Variants in ZNF487 observed in about 807,000 individuals in gnomAD.
The protein encoded by ZNF487 is KRAB domain only 1.
A neutral mutation model predicts 3.0 loss-of-function variants in ZNF487; 4 were observed. The ratio of observed to expected loss-of-function variants is 1.35; its 90% CI spans 0.66 to 3.08. ZNF487 has a LOEUF of 3.08. Ranked by LOEUF, ZNF487 falls within the 30% of genes most tolerant of loss-of-function variation. ZNF487 has a pLI of 0.01. For synonymous variants in ZNF487, 55 were observed against 34.6 expected, an observed-to-expected ratio of 1.59 and a Z score of -2.06; for missense variants, 146 against 98.7, an observed-to-expected ratio of 1.48 and a Z score of -2.03.
intron 3 of ZNF487, among the ~76,000 whole-genome samples, chr10:43,480,639 C>T (rs749468873): frequency 1.3e-4 from 20 of 151,274 alleles, no homozygotes; most frequent in African/African-American, 2.4e-4. Context: ...TGGTCTGGAA[C>T]GCTTGACTTC....
chr10:43,483,423 A>G (rs1171126782), downstream of ZNF487, among the ~76,000 whole-genome samples: 1 of 151,390 alleles, frequency 6.6e-6, no homozygotes, highest in African/African-American at 2.4e-5. Context: ...TATTTTTAGT[A>G]GAGACGGGGT....
intron 1 of ZNF487, among the ~76,000 whole-genome samples, chr10:43,471,327 G>A (rs918640062): frequency 1.3e-5 from 2 of 152,162 alleles, no homozygotes; most frequent in African/African-American, 4.8e-5. Context: ...TTGGATGGCG[G>A]TGCCAAGGCG....
In ZNF487 at chr10:43,482,170, T is replaced by A; in HGVS notation, c.*248T>A. The A allele has an allele frequency of 1.8e-6, 1 of 542,248 alleles. No homozygotes were observed. Among genetic ancestry groups the A allele is most frequent in the Non-Finnish European group, 3.3e-6 (1 of 304,062 alleles). 33.6% of individuals were successfully genotyped at this position (542,248 alleles called of 1,614,324 possible). A position where few individuals can be genotyped will look rare whatever the true frequency, so the allele number is the denominator to read the frequency against. On this transcript the variant is annotated 3_prime_UTR_variant, in exon 4 of 4. Coordinates refer to ENST00000437590, the MANE Select transcript of ZNF487 (RefSeq NM_001355444.3). Reference sequence around the variant, plus strand: ...CAGAGGAGAGAAAACTTGACTGTAGTAGACATTTGGAAGTATTCTGCAAGA... The same window carrying A: ...CAGAGGAGAGAAAACTTGACTGTAGAAGACATTTGGAAGTATTCTGCAAGA...
At chr10:43,470,048 T>C (rs1480286523) in intron 1 of ZNF487, among the ~76,000 whole-genome samples, 1 of 152,192 alleles carries the variant, frequency 6.6e-6, no homozygotes, top group East Asian at 1.9e-4. Flanking sequence ...AACTTTCACA[T>C]GCATGGGAAA....
chr10:43,462,655 C>A (rs566283268), intron 1 of ZNF487, among the ~76,000 whole-genome samples: 1 of 151,876 alleles, frequency 6.6e-6, no homozygotes, highest in African/African-American at 2.4e-5. Context: ...GGGGTTTCAC[C>A]ATGTTGGCCA....
At chr10:43,521,750 A>T in the ZNF487 span, among the ~76,000 whole-genome samples, 1 of 152,212 alleles carries the variant, frequency 6.6e-6, no homozygotes, top group Non-Finnish European at 1.5e-5. Context: ...TTCTAAGATT[A>T]GGTTGAAAAC....
the ZNF487 span, among the ~76,000 whole-genome samples, chr10:43,490,500 CTTTTTTTTTTTTT>C: frequency 1.2e-3 from 48 of 39,160 alleles, no homozygotes; most frequent in African/African-American, 4.3e-3. Context: ...AGTAGCTCTA[CTTTTTTTTTTTTT>C]TTTTTTTTTT....
intron 1 of ZNF487, among the ~76,000 whole-genome samples, chr10:43,442,794 A>G (rs1257794193): frequency 1.3e-5 from 2 of 152,158 alleles, no homozygotes; most frequent in African/African-American, 4.8e-5. Flanking sequence ...AGTTGTGTTC[A>G]GCGTACAAGT....
chr10:43,471,569 C>T (rs1840910242), intron 1 of ZNF487, among the ~76,000 whole-genome samples: 1 of 152,084 alleles, frequency 6.6e-6, no homozygotes, highest in South Asian at 2.1e-4. Context: ...CATGGGCAAA[C>T]TGAAGGATGG....
chr10:43,454,319 A>T (rs956792995), intron 1 of ZNF487: 2 of 152,230 alleles, frequency 1.3e-5, no homozygotes, highest in African/African-American at 4.8e-5. Context: ...CCAAAGTGGT[A>T]GGATTACAGG....
the ZNF487 span, among the ~76,000 whole-genome samples, chr10:43,509,708 C>A: frequency 6.6e-5 from 10 of 152,160 alleles, no homozygotes; most frequent in South Asian, 1.9e-3. Flanking sequence ...TATATTCTAG[C>A]CTCGCTGTCA....
chr10:43,502,473 G>A, the ZNF487 span, among the ~76,000 whole-genome samples: 2 of 151,910 alleles, frequency 1.3e-5, no homozygotes, highest in African/African-American at 4.8e-5. Context: ...GTATACATAT[G>A]TAACAAACCT....
chr10:43,465,050 ACC>A (rs140713998), intron 1 of ZNF487, among the ~76,000 whole-genome samples: 1 of 113,262 alleles, frequency 8.8e-6, no homozygotes, highest in African/African-American at 4.0e-5. Flanking sequence ...CGGGGGGCTG[ACC>A]CCCCCCACCT....
intron 3 of ZNF487, among the ~76,000 whole-genome samples, chr10:43,479,959 TTTCTTTCTTTCTTTTCTTTCTTTCC>T (rs771665545): frequency 0.032 from 1,325 of 41,788 alleles, 25 homozygotes; most frequent in Non-Finnish European, 0.035. Context: ...CCTGACTCTC[TTTCTTTCTTTCTTTTCTTTCTTTCC>T]TTCTTTCTTT....
intron 1 of ZNF487, among the ~76,000 whole-genome samples, chr10:43,446,642 C>T (rs76593822): frequency 7.9e-5 from 12 of 151,646 alleles, no homozygotes; most frequent in Middle Eastern, 6.8e-3. Flanking sequence ...GATGGGCGCC[C>T]GGGCAGAGAC....
At chr10:43,447,493 C>G (rs1442748383) in intron 1 of ZNF487, among the ~76,000 whole-genome samples, 2 of 152,044 alleles carry the variant, frequency 1.3e-5, no homozygotes, top group African/African-American at 4.8e-5. Flanking sequence ...CTGCCTGCCT[C>G]GGGCTCCCAA....
the ZNF487 span, among the ~76,000 whole-genome samples, chr10:43,488,785 G>A: frequency 6.6e-6 from 1 of 152,088 alleles, no homozygotes; most frequent in Non-Finnish European, 1.5e-5. Flanking sequence ...ACCAAGTAGG[G>A]TTTATATCAA....
chr10:43,452,430 G>C (rs1840041793), intron 1 of ZNF487: 1 of 143,882 alleles, frequency 7.0e-6, no homozygotes, highest in South Asian at 2.2e-4. Flanking sequence ...CTGGAGACAG[G>C]GTCTTGTGTC....
At chr10:43,483,621 G>A (rs1433068398), downstream of ZNF487, among the ~76,000 whole-genome samples, 4 of 151,744 alleles carry the variant, frequency 2.6e-5, no homozygotes, top group Non-Finnish European at 5.9e-5. Context: ...TCCTCCTCCC[G>A]GGTTCAAGTG....
Sources: gnomAD v4.1 joint callset for allele counts (sites outside exome capture counted in the v4.1 genomes callset) on GRCh38, gnomAD v4.1.1 for gene constraint, MANE v1.5 for transcripts, NCBI Gene and HGNC (gene_info 2026-07-23, HGNC 2026-07-21) for gene names.